CACNA2D3: variants seen among roughly 807,000 people sequenced by gnomAD.
CACNA2D3 encodes calcium voltage-gated channel auxiliary subunit alpha2delta 3, also known as voltage-dependent calcium channel subunit alpha-2/delta-3.
CACNA2D3 carries 60 observed loss-of-function variants against 160.6 expected under a neutral mutation model. The observed-to-expected ratio is 0.37, with a 90% CI of 0.30 to 0.46. The LOEUF is 0.46. Ranked by LOEUF, CACNA2D3 falls within the 20% of genes least tolerant of loss-of-function variation. The probability of loss-of-function intolerance (pLI) is 1.00; values close to 1 mark genes in which losing one functional copy is unlikely to be tolerated. For synonymous variants in CACNA2D3, 558 were observed against 492.9 expected (o/e 1.13, Z -1.75); for missense variants, 1,205 against 1,365.0 (o/e 0.88, Z 1.85).
chr3:54,219,840 T>C (rs1225770186), intron 2 of CACNA2D3, among the ~76,000 whole-genome samples: 1 of 152,158 alleles, frequency 6.6e-6, no homozygotes, highest in Non-Finnish European at 1.5e-5. Flanking sequence ...CCTGGTTGAA[T>C]AGGGCATATC....
At chr3:54,697,263 G>A (rs1206955101) in intron 11 of CACNA2D3, among the ~76,000 whole-genome samples, 1 of 152,100 alleles carries the variant, frequency 6.6e-6, no homozygotes, top group Non-Finnish European at 1.5e-5. Flanking sequence ...GGATGACAGA[G>A]ACCCCATCTC....
At chr3:54,426,377 CATA>C (rs1265046762) in intron 4 of CACNA2D3, among the ~76,000 whole-genome samples, 1 of 152,160 alleles carries the variant, frequency 6.6e-6, no homozygotes, top group Admixed American at 6.5e-5. Context: ...AGAGATGTGT[CATA>C]ATATTTGCCT....
chr3:54,687,667 A>G (rs1467713576), intron 11 of CACNA2D3, among the ~76,000 whole-genome samples: 2 of 152,202 alleles, frequency 1.3e-5, no homozygotes, highest in East Asian at 3.8e-4. Context: ...TGGAGACACA[A>G]CACTGAACAG....
At chr3:54,905,616 G>A (rs1413818119) in intron 27 of CACNA2D3, among the ~76,000 whole-genome samples, 1 of 152,156 alleles carries the variant, frequency 6.6e-6, no homozygotes, top group Admixed American at 6.5e-5. Flanking sequence ...TTTCCAACCG[G>A]GGGTGATTTT....
At chr3:54,841,227 G>A (rs1698813660) in intron 16 of CACNA2D3, among the ~76,000 whole-genome samples, 2 of 152,168 alleles carry the variant, frequency 1.3e-5, no homozygotes, top group Non-Finnish European at 2.9e-5. Flanking sequence ...CCCATGAAGT[G>A]GGGACCCTTC....
chr3:54,462,230 G>T (rs1417553888), intron 4 of CACNA2D3, among the ~76,000 whole-genome samples: 3 of 152,130 alleles, frequency 2.0e-5, no homozygotes, highest in African/African-American at 7.2e-5. Flanking sequence ...GTGTGGTGTG[G>T]TGCTGAAAAA....
intron 5 of CACNA2D3, among the ~76,000 whole-genome samples, chr3:54,552,529 C>G (rs1266224222): frequency 6.6e-6 from 1 of 152,180 alleles, no homozygotes; most frequent in Non-Finnish European, 1.5e-5. Flanking sequence ...TAGCAAACTT[C>G]CGCTTTGAGC....
chr3:54,634,830 C>T (rs1408858851), intron 10 of CACNA2D3, among the ~76,000 whole-genome samples: 1 of 152,144 alleles, frequency 6.6e-6, no homozygotes, highest in Non-Finnish European at 1.5e-5. Context: ...TGGGGCAGGG[C>T]ATATTCACTT....
At chr3:54,619,605 GTGTCTGTAC>G in intron 9 of CACNA2D3, among the ~76,000 whole-genome samples, 1 of 152,302 alleles carries the variant, frequency 6.6e-6, no homozygotes, top group South Asian at 2.1e-4. Flanking sequence ...CATTCTATCA[GTGTCTGTAC>G]TGTCTCCCCC....
intron 2 of CACNA2D3, among the ~76,000 whole-genome samples, chr3:54,192,804 G>A (rs1339669128): frequency 6.6e-6 from 1 of 152,206 alleles, no homozygotes; most frequent in Non-Finnish European, 1.5e-5. Flanking sequence ...TGGCACTGCA[G>A]CTGGTGCAAG....
intron 4 of CACNA2D3, among the ~76,000 whole-genome samples, chr3:54,453,405 A>G (rs528487581): frequency 3.3e-5 from 5 of 152,176 alleles, no homozygotes; most frequent in African/African-American, 4.8e-5. Context: ...GTAAGGTCAC[A>G]ATCACAGGTA....
In CACNA2D3 at chr3:54,355,925, G is replaced by A. The variant is rs78156489; in HGVS notation, c.322-30790G>A. Among the ~76,000 whole-genome samples the A allele has an allele frequency of 1.1e-4, 16 of 152,316 alleles. No individual in the cohort carries two copies. In the East Asian group the frequency reaches 3.1e-3, roughly 29 times the overall value. On this transcript the variant is annotated intron_variant, in intron 3 of 37. Transcript: ENST00000474759. Reference sequence around the variant, plus strand: ...CAAGCTCTTCACTGACCTGATTTCAGTGATTGCTCTGAAGGCTGGTCATGG... The same window carrying A: ...CAAGCTCTTCACTGACCTGATTTCAATGATTGCTCTGAAGGCTGGTCATGG...
At chr3:54,922,164 T>C (rs759154204) in intron 27 of CACNA2D3, among the ~76,000 whole-genome samples, 5 of 152,106 alleles carry the variant, frequency 3.3e-5, no homozygotes, top group African/African-American at 4.8e-5. Context: ...GAATGGGCCG[T>C]AGGAACTCCC....
chr3:54,278,921 C>T (rs906654031), intron 2 of CACNA2D3, among the ~76,000 whole-genome samples: 2 of 152,098 alleles, frequency 1.3e-5, no homozygotes, highest in African/African-American at 2.4e-5. Context: ...CACCATGTCA[C>T]GTGTATACCT....
At chr3:54,280,433 G>A (rs1425471597) in intron 2 of CACNA2D3, among the ~76,000 whole-genome samples, 1 of 152,138 alleles carries the variant, frequency 6.6e-6, no homozygotes, top group East Asian at 1.9e-4. Flanking sequence ...TTGGACCCAA[G>A]CTCTTTGCTG....
intron 2 of CACNA2D3, among the ~76,000 whole-genome samples, chr3:54,288,612 A>C (rs1028746496): frequency 3.9e-5 from 6 of 152,126 alleles, no homozygotes; most frequent in African/African-American, 1.4e-4. Context: ...GGGCAGAGAC[A>C]CAACCAAAAA....
chr3:54,468,727 C>G (rs1001020939), intron 4 of CACNA2D3, among the ~76,000 whole-genome samples: 1 of 152,172 alleles, frequency 6.6e-6, no homozygotes, highest in Non-Finnish European at 1.5e-5. Context: ...ACCTGGGATG[C>G]TCAAGCTTGG....
chr3:54,306,328 T>TGAGAGAGAGAGAGAGAGAGAGA lies in CACNA2D3; in HGVS notation c.205-14098_205-14097insGAGAGAGAGAGAGAGAGAGAGA, dbSNP rs140311356. Among the ~76,000 whole-genome samples, 13 of 151,214 alleles carry TGAGAGAGAGAGAGAGAGAGAGA rather than the reference T, an allele frequency of 8.6e-5. 1 individual carries two copies. In the South Asian group the frequency reaches 1.7e-3, roughly 19 times the overall value. On this transcript the variant is annotated intron_variant, in intron 2 of 37. Coordinates refer to ENST00000474759, the MANE Select transcript of CACNA2D3 (RefSeq NM_018398.3). ...CATTGTCATTTTATGTGTGTGTATA[T>TGAGAGAGAGAGAGAGAGAGAGA]GAGAGAGAGAGAGAGAAGTATTAGT...
At chr3:54,414,231 AC>A (rs950418632) in intron 4 of CACNA2D3, among the ~76,000 whole-genome samples, 1 of 152,056 alleles carries the variant, frequency 6.6e-6, no homozygotes, top group Non-Finnish European at 1.5e-5. Flanking sequence ...AAAGAACTAC[AC>A]AAGGCCATCT....
Sources: allele counts gnomAD v4.1 joint callset (sites outside exome capture counted in the v4.1 genomes callset), GRCh38; gene constraint gnomAD v4.1.1; transcripts MANE v1.5; gene names NCBI Gene and HGNC (gene_info 2026-07-23, HGNC 2026-07-21).